The following PLPPR1 variants were observed in gnomAD, a reference collection of about 807,000 sequenced individuals.
The protein encoded by PLPPR1 is phospholipid phosphatase related 1.
Under a neutral mutation model 33.1 loss-of-function variants are expected in PLPPR1, and 10 were observed. The ratio of observed to expected loss-of-function variants is 0.30; its 90% CI spans 0.19 to 0.51. The LOEUF (loss-of-function observed/expected upper bound fraction) is 0.51, where lower values mean the gene tolerates loss of function less well. Among genes scored for constraint, PLPPR1 ranks in the 20% least tolerant of loss-of-function variants. The pLI, the probability that PLPPR1 is intolerant of heterozygous loss-of-function variation, is 0.97. For synonymous variants in PLPPR1, 151 were observed against 151.0 expected, an observed-to-expected ratio of 1.00 and a Z score of 0.00; for missense variants, 304 against 408.1, an observed-to-expected ratio of 0.74 and a Z score of 2.20.
chr9:101,139,355 G>A (rs1440903589), intron 1 of PLPPR1, among the ~76,000 whole-genome samples: 1 of 152,148 alleles, frequency 6.6e-6, no homozygotes, highest in Admixed American at 6.6e-5. Flanking sequence ...GTGCTTAAAG[G>A]AGAAAATGTC....
chr9:101,051,145 G>A (rs369753510), intron 1 of PLPPR1, among the ~76,000 whole-genome samples: 17 of 152,170 alleles, frequency 1.1e-4, no homozygotes, highest in East Asian at 9.7e-4. Context: ...ACAACATTCA[G>A]TGTTGTTTCT....
At chr9:101,317,972 C>A (rs1230704178) in intron 7 of PLPPR1, among the ~76,000 whole-genome samples, 1 of 152,190 alleles carries the variant, frequency 6.6e-6, no homozygotes, top group African/African-American at 2.4e-5. Flanking sequence ...TGTTACTCTA[C>A]AACAGAACCT....
Position 101,246,036 on chromosome 9 carries a change from C to A in PLPPR1, c.64-23844C>A, listed in dbSNP as rs867147361. Among the ~76,000 whole-genome samples the A allele has an allele frequency of 1.0e-4, 14 of 135,932 alleles. No individual in the cohort carries two copies. The South Asian group carries it at 1.6e-3, about 16-fold the overall frequency. 89.2% of individuals were successfully genotyped at this position (135,932 alleles called of 152,430 possible). On this transcript the variant is annotated intron_variant, in intron 2 of 7. Transcript: ENST00000374874. ...CTACTTGACCATAATCTCCCATATA[C>A]CTCTCAAAATTGAATATGAATATAT...
chr9:101,113,700 T>G (rs1287060175), intron 1 of PLPPR1, among the ~76,000 whole-genome samples: 2 of 151,998 alleles, frequency 1.3e-5, no homozygotes, highest in Non-Finnish European at 2.9e-5. Context: ...CTTTTTCACA[T>G]GCAAAAAACC....
intron 2 of PLPPR1, among the ~76,000 whole-genome samples, chr9:101,223,146 TACAAAA>T (rs1826984256): frequency 4.2e-5 from 1 of 23,546 alleles, no homozygotes; most frequent in South Asian, 2.1e-3. Flanking sequence ...GACCCATCTC[TACAAAA>T]AAAAAAAAAA....
chr9:101,283,030 T>A (rs79716082), intron 3 of PLPPR1, among the ~76,000 whole-genome samples: 12,005 of 152,158 alleles, frequency 0.079, 912 homozygotes, highest in African/African-American at 0.2. Flanking sequence ...AGTGATGGGA[T>A]CTCGCTCTGT....
In PLPPR1 at chr9:101,324,066, A is replaced by T. The variant is rs1588127228; in HGVS notation, c.*9A>T. ...TGACCGAAGTTACCTGAGACGACTGATGTGTCACAAGCTGTTTTTTAAAAT... is the reference window on the plus strand; with the variant it reads ...TGACCGAAGTTACCTGAGACGACTGTTGTGTCACAAGCTGTTTTTTAAAAT... On this transcript the variant is annotated 3_prime_UTR_variant, in exon 8 of 8. Coordinates refer to ENST00000374874, the MANE Select transcript of PLPPR1 (RefSeq NM_207299.2). 3.1e-6 allele frequency: 5 copies of T among 1,610,084 alleles called. No individual in the cohort carries two copies. The East Asian group carries it at 1.1e-4, about 36-fold the overall frequency.
At chr9:101,307,194 T>C (rs1828873572) in intron 4 of PLPPR1, among the ~76,000 whole-genome samples, 1 of 152,092 alleles carries the variant, frequency 6.6e-6, no homozygotes, top group Non-Finnish European at 1.5e-5. Context: ...TACAGGACAA[T>C]GGTGTGGAGA....
intron 3 of PLPPR1, among the ~76,000 whole-genome samples, chr9:101,285,142 C>G (rs180871637): frequency 3.3e-5 from 5 of 152,112 alleles, no homozygotes; most frequent in African/African-American, 1.2e-4. Flanking sequence ...TAATAGATAA[C>G]GGTAATTAAC....
Position 101,317,483 on chromosome 9 carries a change from C to T in PLPPR1, c.932C>T (p.Thr311Ile). ...AFPRIESPLETLSAQNHSASM... is the reference protein window; with the variant it reads ...AFPRIESPLEILSAQNHSASM... ...CCAAGGATAGAAAGCCCTCTGGAAACCTTAAGTGCACAGGTATGGTAAAGC... is the reference window on the plus strand; with the variant it reads ...CCAAGGATAGAAAGCCCTCTGGAAATCTTAAGTGCACAGGTATGGTAAAGC... Residue 311 changes from threonine (T) to isoleucine (I), a missense_variant, in exon 7 of 8, where the codon ACC becomes ATC. Transcript: ENST00000374874. 6.2e-7 allele frequency: 1 copy of T among 1,613,812 alleles called. No homozygotes were observed. The highest frequency in any genetic ancestry group is 8.5e-7 in the Non-Finnish European group (1 of 1,179,908).
chr9:101,066,066 C>A (rs1022202124), intron 1 of PLPPR1, among the ~76,000 whole-genome samples: 1 of 152,046 alleles, frequency 6.6e-6, no homozygotes, highest in Non-Finnish European at 1.5e-5. Flanking sequence ...ATTGCATTTA[C>A]TTCTCATGTT....
chr9:101,135,676 C>A (rs185341951), intron 1 of PLPPR1, among the ~76,000 whole-genome samples: 1 of 152,156 alleles, frequency 6.6e-6, no homozygotes, highest in African/African-American at 2.4e-5. Context: ...AGTAGAAAGA[C>A]GTTTCCCTTC....
intron 2 of PLPPR1, among the ~76,000 whole-genome samples, chr9:101,208,646 G>T (rs541815654): frequency 6.6e-6 from 1 of 152,144 alleles, no homozygotes; most frequent in African/African-American, 2.4e-5. Flanking sequence ...CCTTGGGGTA[G>T]AATAAATTAA....
intron 1 of PLPPR1, among the ~76,000 whole-genome samples, chr9:101,031,770 GGAAAGGATA>G (rs1011180842): frequency 4.6e-5 from 7 of 152,182 alleles, no homozygotes; most frequent in African/African-American, 1.7e-4. Context: ...TTACCAGGGA[GGAAAGGATA>G]GAAAGGACAT....
intron 1 of PLPPR1, among the ~76,000 whole-genome samples, chr9:101,109,058 A>T (rs1197160212): frequency 6.7e-6 from 1 of 148,430 alleles, no homozygotes; most frequent in African/African-American, 2.5e-5. Context: ...TTCCGGATTG[A>T]CGCCATTCTC....
At chr9:101,302,734 T>C (rs889987924) in intron 4 of PLPPR1, among the ~76,000 whole-genome samples, 1 of 152,230 alleles carries the variant, frequency 6.6e-6, no homozygotes, top group African/African-American at 2.4e-5. Flanking sequence ...GGATAAGATT[T>C]TTTTATCATT....
intron 2 of PLPPR1, among the ~76,000 whole-genome samples, chr9:101,228,253 G>A (rs927085857): frequency 5.3e-5 from 8 of 152,112 alleles, no homozygotes; most frequent in South Asian, 2.1e-4. Context: ...ACATGCCCAC[G>A]GCAGGTGTCT....
chr9:101,224,164 A>C (rs1290049264), intron 2 of PLPPR1, among the ~76,000 whole-genome samples: 3 of 152,168 alleles, frequency 2.0e-5, no homozygotes, highest in Admixed American at 6.5e-5. Context: ...TGGCAATGTA[A>C]GAAGCTGAAG....
At chr9:101,229,346 A>G (rs1294294294) in intron 2 of PLPPR1, among the ~76,000 whole-genome samples, 2 of 152,152 alleles carry the variant, frequency 1.3e-5, no homozygotes, top group African/African-American at 2.4e-5. Flanking sequence ...TGTACCCTGT[A>G]GCCAATTTTG....
Sources: gnomAD v4.1 joint callset for allele counts (sites outside exome capture counted in the v4.1 genomes callset) on GRCh38, gnomAD v4.1.1 for gene constraint, MANE v1.5 for transcripts, NCBI Gene and HGNC (gene_info 2026-07-23, HGNC 2026-07-21) for gene names.